BCL2L15: variants seen among roughly 807,000 people sequenced by gnomAD.
BCL2L15 encodes bcl-2-like protein 15.
Under a neutral mutation model 18.3 loss-of-function variants are expected in BCL2L15, and 15 were observed. The observed-to-expected ratio is 0.82, with a 90% CI of 0.55 to 1.26. The LOEUF (loss-of-function observed/expected upper bound fraction) is 1.26, where lower values mean the gene tolerates loss of function less well. Among genes scored for constraint, BCL2L15 ranks in the 50% most tolerant of loss-of-function variants. The probability of loss-of-function intolerance (pLI) is 0.00; values close to 1 mark genes in which losing one functional copy is unlikely to be tolerated. For synonymous variants in BCL2L15, 58 were observed against 68.5 expected (o/e 0.85, Z 0.76); for missense variants, 180 against 201.7 (o/e 0.89, Z 0.65).
chr1:113,884,843 C>T (rs1185394852), intron 2 of BCL2L15, among the ~76,000 whole-genome samples: 2 of 151,576 alleles, frequency 1.3e-5, no homozygotes, highest in East Asian at 1.9e-4. Flanking sequence ...GGCACCATCT[C>T]GGCTCACTGC....
chr1:113,886,893 A>T (rs2358995), intron 1 of BCL2L15, among the ~76,000 whole-genome samples: 1 of 150,976 alleles, frequency 6.6e-6, no homozygotes, highest in East Asian at 2.0e-4. Context: ...AAAGGAAATA[A>T]ATAAAATATA....
At chr1:113,886,719 G>A (rs1296707305) in intron 1 of BCL2L15, 61 bp from the exon 2 acceptor site, 1 of 1,502,876 alleles carries the variant, frequency 6.7e-7, no homozygotes, top group South Asian at 1.3e-5. Flanking sequence ...CCAGGAATCT[G>A]GGCAATGAGA....
rs1333493375 is a variant in BCL2L15, at chr1:113,878,236, A to C, written c.*2887T>G. The C allele has an allele frequency of 1.3e-5, 2 of 152,206 alleles. No individual in the cohort carries two copies. The highest frequency in any genetic ancestry group is 4.8e-5 in the African/African-American group (2 of 41,454). The allele number at this position is 152,206 out of a possible 1,614,324, so 9.4% of individuals were successfully genotyped here. A position where few individuals can be genotyped will look rare whatever the true frequency, so the allele number is the denominator to read the frequency against. ...ATTAATAAGTTACCAAATCATCTCT[A>C]TTTTACAAATGTAGAAACTAAGGTA... On this transcript the variant is annotated 3_prime_UTR_variant, in exon 4 of 4. Coordinates refer to ENST00000393316, the MANE Select transcript of BCL2L15 (RefSeq NM_001010922.3).
In BCL2L15 at chr1:113,886,556, G is replaced by A; in HGVS notation, c.230C>T (p.Ala77Val). ...ELEASAKNVI[A>V]ETIKGQTGAI... ...CTTGACCTGTCCCTTAATGGTTTCT[G>A]CAATGACGTTTTTGGCAGAAGCTTC... The change falls in exon 2 of 4, where the codon GCA (alanine) becomes GTA (valine). Residue 77 changes from alanine (A) to valine (V), a missense_variant. Transcript: ENST00000393316. 1.9e-6 allele frequency: 3 copies of A among 1,613,396 alleles called. 1 individual carries two copies. The highest frequency in any genetic ancestry group is 4.5e-5 in the East Asian group (2 of 44,876).
rs1331941191 is a variant in BCL2L15 at position 113,879,557 on chromosome 1, A to T, written c.*1566T>A. The stretch of plus-strand genomic sequence containing the variant: ...GGATTATGCAAGAACTAACAAACAT[A>T]TGGAGACTAAGTTCCCAAAGAAGAG... On this transcript the variant is annotated 3_prime_UTR_variant, in exon 4 of 4. Coordinates refer to ENST00000393316, the MANE Select transcript of BCL2L15 (RefSeq NM_001010922.3). 6.6e-6 allele frequency: 1 copy of T among 152,348 alleles called. No homozygotes were observed. Among genetic ancestry groups the T allele is most frequent in the African/African-American group, 2.4e-5 (1 of 41,462 alleles). The allele number at this position is 152,348 out of a possible 1,614,324, so 9.4% of individuals were successfully genotyped here.
chr1:113,884,435 A>G (rs1374079876), intron 2 of BCL2L15, among the ~76,000 whole-genome samples: 4 of 152,242 alleles, frequency 2.6e-5, no homozygotes, highest in Non-Finnish European at 5.9e-5. Flanking sequence ...AGAAATCACA[A>G]CTAAATGCAG....
At chr1:113,883,605 C>T (rs1429398670) in intron 2 of BCL2L15, among the ~76,000 whole-genome samples, 1 of 148,038 alleles carries the variant, frequency 6.8e-6, no homozygotes, top group South Asian at 2.1e-4. Context: ...AAAACCCCGT[C>T]TCTACTAAAA....
Position 113,887,466 on chromosome 1 carries a change from G to A in BCL2L15, c.-91C>T, listed in dbSNP as rs114576636. The A allele has an allele frequency of 7.1e-4, 1,115 of 1,563,042 alleles. 8 individuals carry two copies. In the African/African-American group the frequency reaches 0.013, roughly 18 times the overall value. Reference sequence around the variant, plus strand: ...TAAAAACACTGGTAAATCAACAAATGTTTCTACCTCTTGTAGTTTCCTGAC... The same window carrying A: ...TAAAAACACTGGTAAATCAACAAATATTTCTACCTCTTGTAGTTTCCTGAC... On this transcript the variant is annotated 5_prime_UTR_variant, in exon 1 of 4. Transcript: ENST00000393316.
chr1:113,887,218 C>T (rs1667063725), intron 1 of BCL2L15, 31 bp downstream of exon 1: 2 of 1,604,668 alleles, frequency 1.2e-6, no homozygotes, highest in Admixed American at 1.7e-5. Context: ...TCTTATTGAC[C>T]TGCAATCACC....
rs947669190 is a variant in BCL2L15 at position 113,879,656 on chromosome 1, G to A, written c.*1467C>T. On this transcript the variant is annotated 3_prime_UTR_variant, in exon 4 of 4. Coordinates refer to ENST00000393316, the MANE Select transcript of BCL2L15 (RefSeq NM_001010922.3). ...TTGTCAGGACTGTAATAGAGTTTCA[G>A]TTACCAAGGAGAAATGTTGATTTAG... 2 of 152,200 alleles carry A rather than the reference G, an allele frequency of 1.3e-5. No individual in the cohort carries two copies. Among genetic ancestry groups the A allele is most frequent in the Non-Finnish European group, 2.9e-5 (2 of 68,032 alleles). 9.4% of individuals were successfully genotyped at this position (152,200 alleles called of 1,614,324 possible).
chr1:113,882,054 G>T, intron 2 of BCL2L15, 57 bp from the exon 3 acceptor site: 1 of 1,398,420 alleles, frequency 7.2e-7, no homozygotes, highest in Non-Finnish European at 9.9e-7. Flanking sequence ...GCAGGAGGCT[G>T]CAGGTGCAGG....
intron 3 of BCL2L15, chr1:113,881,363 T>C: frequency 1.9e-6 from 2 of 1,059,922 alleles, no homozygotes; most frequent in Middle Eastern, 3.0e-4. Flanking sequence ...GCAAAGACTG[T>C]TTTTTCTTAG....
In BCL2L15 at chr1:113,887,348, G is replaced by A; in HGVS notation, c.28C>T (p.Gln10Ter). ...AGAGTGTTCACAATGCATTCCGTTT[G>A]TTCCTCAAAAGTTTGGGAGCTCTTC... MKSSQTFEE[Q>*]TECIVNTLLM... The change falls in exon 1 of 4, where the codon CAA becomes TAA. Residue 10 changes from glutamine to a stop codon, truncating the protein, a stop_gained. Transcript: ENST00000393316. LOFTEE classifies it high-confidence loss of function. 15 of 1,614,142 alleles carry A rather than the reference G, an allele frequency of 9.3e-6. No homozygotes were observed. Among genetic ancestry groups the A allele is most frequent in the Non-Finnish European group, 1.3e-5 (15 of 1,179,982 alleles).
Position 113,881,927 on chromosome 1 carries a change from G to A in BCL2L15, c.320C>T (p.Ala107Val), listed in dbSNP as rs201714517. 6.2e-6 allele frequency: 10 copies of A among 1,614,114 alleles called. No homozygotes were observed. In the Admixed American group the frequency reaches 8.3e-5, roughly 13 times the overall value. ...KTWCAQDSSL[A>V]YERAFLAVSV... ...CACTGCCAGAAAAGCTCTCTCATAA[G>A]CTAAGCTGGAATCCTGAGCACACCA... Residue 107 changes from alanine (A) to valine (V), a missense_variant, in exon 3 of 4, where the codon GCT (alanine) becomes GTT (valine). Coordinates refer to ENST00000393316, the MANE Select transcript of BCL2L15 (RefSeq NM_001010922.3).
At chr1:113,885,833 G>C (rs762475149) in intron 2 of BCL2L15, among the ~76,000 whole-genome samples, 1 of 151,748 alleles carries the variant, frequency 6.6e-6, no homozygotes, top group East Asian at 2.0e-4. Flanking sequence ...GCTTGAACCC[G>C]GTGGGTGGAG....
rs1461451083 is a variant in BCL2L15 at position 113,877,905 on chromosome 1, C to T, written c.*3218G>A. Reference sequence around the variant, plus strand: ...CTGAGGTTTTGAGCTAGTTGTATCGCAAACAGGGAGAGTATGGGGATAAGA... The same window carrying T: ...CTGAGGTTTTGAGCTAGTTGTATCGTAAACAGGGAGAGTATGGGGATAAGA... On this transcript the variant is annotated 3_prime_UTR_variant, in exon 4 of 4. Transcript: ENST00000393316. Among the ~76,000 whole-genome samples the T allele has an allele frequency of 6.6e-6, 1 of 152,026 alleles. No homozygotes were observed. The highest frequency in any genetic ancestry group is 2.4e-5 in the African/African-American group (1 of 41,392).
rs1284248599 is a variant in BCL2L15, at chr1:113,881,454, C to T, written c.475-314G>A. 1.1e-4 allele frequency: 153 copies of T among 1,343,972 alleles called. No homozygotes were observed. The East Asian group carries it at 3.9e-3, about 35-fold the overall frequency. 83.3% of individuals were successfully genotyped at this position (1,343,972 alleles called of 1,614,324 possible). ...AAAGACCCAGAAATTTACAAAGGAA[C>T]GGAGTGAAGCCAGGCTGAAATTAGA... is the stretch of plus-strand genomic sequence containing the variant. On this transcript the variant is annotated intron_variant, in intron 3 of 3. Coordinates refer to ENST00000393316, the MANE Select transcript of BCL2L15 (RefSeq NM_001010922.3).
In BCL2L15 at chr1:113,883,032, G is replaced by A. The variant is rs532612366; in HGVS notation, c.250-1035C>T. On this transcript the variant is annotated intron_variant, in intron 2 of 3. Coordinates refer to ENST00000393316, the MANE Select transcript of BCL2L15 (RefSeq NM_001010922.3). ...CTTTTCCTCTTTCTTTTTCAAAAAT[G>A]GAATCTAAAATCCATTAGGTGGGTC... Among the ~76,000 whole-genome samples, 9 of 152,158 alleles carry A rather than the reference G, an allele frequency of 5.9e-5. No individual in the cohort carries two copies. The East Asian group carries it at 1.5e-3, about 26-fold the overall frequency.
At chr1:113,886,936 C>T (rs372411327) in intron 1 of BCL2L15, among the ~76,000 whole-genome samples, 3 of 150,138 alleles carry the variant, frequency 2.0e-5, no homozygotes, top group East Asian at 3.9e-4. Context: ...GAGTCTCTGT[C>T]GCCCAGACTG....
Sources: gnomAD v4.1 joint callset for allele counts (sites outside exome capture counted in the v4.1 genomes callset) on GRCh38, gnomAD v4.1.1 for gene constraint, MANE v1.5 for transcripts, NCBI Gene and HGNC (gene_info 2026-07-23, HGNC 2026-07-21) for gene names.